DYNC1LI2: variants seen among roughly 807,000 people sequenced by gnomAD.
The protein encoded by DYNC1LI2 is cytoplasmic dynein 1 light intermediate chain 2.
In DYNC1LI2, 19 loss-of-function variants were observed where a neutral mutation model predicts 57.8. The ratio of observed to expected loss-of-function variants is 0.33; its 90% CI spans 0.23 to 0.48. The LOEUF is 0.48. DYNC1LI2 is among the 20% of genes least tolerant of loss of function. The pLI is 0.99. For synonymous variants in DYNC1LI2, 256 were observed against 233.4 expected (o/e 1.10, Z -0.88); for missense variants, 470 against 604.2 (o/e 0.78, Z 2.33).
In DYNC1LI2 at chr16:66,749,577, G is replaced by A. The variant is rs192630345; in HGVS notation, c.182-264C>T. ...ACTTCAAAAGGGAAATAATGAGGCA[G>A]GTCCACAGGCCCTATCTATAATTTA... On this transcript the variant is annotated intron_variant, in intron 2 of 12. Transcript: ENST00000258198. Among the ~76,000 whole-genome samples, 23 of 152,206 alleles carry A rather than the reference G, an allele frequency of 1.5e-4. No homozygotes were observed. The East Asian group carries it at 4.4e-3, about 29-fold the overall frequency.
At chr16:66,729,531 C>G (rs2017596211) in intron 8 of DYNC1LI2, among the ~76,000 whole-genome samples, 1 of 151,998 alleles carries the variant, frequency 6.6e-6, no homozygotes, top group African/African-American at 2.4e-5. Flanking sequence ...CCCCACTACC[C>G]CCCACAAACT....
At chr16:66,750,461 C>T (rs979318064) in intron 2 of DYNC1LI2, among the ~76,000 whole-genome samples, 3 of 152,198 alleles carry the variant, frequency 2.0e-5, no homozygotes, top group Non-Finnish European at 4.4e-5. Flanking sequence ...CTAGCAGTTT[C>T]CAAACCCCAC....
intron 4 of DYNC1LI2, among the ~76,000 whole-genome samples, chr16:66,740,110 A>C (rs548020527): frequency 3.3e-5 from 5 of 152,336 alleles, no homozygotes; most frequent in African/African-American, 1.2e-4. Flanking sequence ...GAAAGAGAAG[A>C]CTAAAGTACA....
intron 12 of DYNC1LI2, among the ~76,000 whole-genome samples, chr16:66,725,587 A>G (rs978468931): frequency 5.3e-5 from 8 of 152,208 alleles, no homozygotes; most frequent in African/African-American, 1.7e-4. Flanking sequence ...CAACTCACCC[A>G]ACACCCAGTT....
rs1287645630 is a variant in DYNC1LI2 at position 66,736,204 on chromosome 16, A to G, written c.570T>C (p.Gly190=). 5 of 1,614,140 alleles carry G rather than the reference A, an allele frequency of 3.1e-6. No individual in the cohort carries two copies. The highest frequency in any genetic ancestry group is 2.2e-5 in the East Asian group (1 of 44,886). The change falls in exon 5 of 13, where the codon GGT becomes GGC. Residue 190 remains glycine, a synonymous_variant. Coordinates refer to ENST00000258198, the MANE Select transcript of DYNC1LI2 (RefSeq NM_006141.3). ...CTCTTCTCTGTGGGGAACCTTGACA[A>G]CCTTCTTCAGGTTCCATATAGTCTT... The part of the protein sequence containing the change: ...DFQDYMEPEE[G]CQGSPQRRGP...
chr16:66,750,743 G>A (rs867104764), intron 2 of DYNC1LI2, among the ~76,000 whole-genome samples: 1 of 152,164 alleles, frequency 6.6e-6, no homozygotes, highest in Admixed American at 6.5e-5. Context: ...CACTTGAGGA[G>A]AGTGAGGCCA....
At chr16:66,726,642 TTTTG>T (rs1195223338) in intron 11 of DYNC1LI2, among the ~76,000 whole-genome samples, 6 of 152,036 alleles carry the variant, frequency 3.9e-5, no homozygotes, top group Admixed American at 2.6e-4. Context: ...TAAAAAATAT[TTTTG>T]TTTGTGTTTT....
intron 6 of DYNC1LI2, chr16:66,732,874 C>T (rs1445687645): frequency 6.5e-6 from 1 of 154,856 alleles, no homozygotes; most frequent in Non-Finnish European, 1.4e-5. Context: ...AGATTCCTTC[C>T]CAGACAGATG....
intron 8 of DYNC1LI2, among the ~76,000 whole-genome samples, 179 bp from the exon 9 acceptor site, chr16:66,729,278 A>G (rs763474398): frequency 6.6e-6 from 1 of 152,204 alleles, no homozygotes; most frequent in Non-Finnish European, 1.5e-5. Flanking sequence ...AACCAGCCGC[A>G]GCATGTAGCC....
At chr16:66,750,574 C>T (rs2018025509) in intron 2 of DYNC1LI2, among the ~76,000 whole-genome samples, 1 of 152,206 alleles carries the variant, frequency 6.6e-6, no homozygotes, top group South Asian at 2.1e-4. Context: ...AATGCTTCCA[C>T]AATAATCGGC....
chr16:66,751,587 G>C lies in DYNC1LI2; in HGVS notation c.5C>G (p.Ala2Gly). 6.4e-7 allele frequency: 1 copy of C among 1,574,280 alleles called. No individual in the cohort carries two copies. Among genetic ancestry groups the C allele is most frequent in the South Asian group, 1.1e-5 (1 of 87,810 alleles). The change falls in exon 1 of 13, where the codon GCG becomes GGG. Residue 2 changes from alanine (A) to glycine (G), a missense_variant. Coordinates refer to ENST00000258198, the MANE Select transcript of DYNC1LI2 (RefSeq NM_006141.3). This position sits in a 1 kb window ranked among gnomAD's most constrained non-coding sequence, Gnocchi z 5.2. ...CAGCTTCTTCTCCACCCCCACCGGCGCCATCTTGCCAACTGCAGCCACAAA... is the reference window on the plus strand; with the variant it reads ...CAGCTTCTTCTCCACCCCCACCGGCCCCATCTTGCCAACTGCAGCCACAAA... The part of the protein sequence containing the change: M[A>G]PVGVEKKLLL...
rs974512713 is a variant in DYNC1LI2, at chr16:66,727,732, G to C, written c.1217C>G (p.Ser406Cys). The change falls in exon 11 of 13, where the codon TCC becomes TGC. Residue 406 changes from serine (S) to cysteine (C), a missense_variant. Physicochemically the swap from Ser to Cys is moderately radical, Grantham distance 112. Transcript: ENST00000258198. ...GRGGPASVPS[S>C]SPGTSVKKPD... ...CTTTTTTACTGACGTGCCTGGGGAG[G>C]AGCTAGGCACACTGGCTGGCCCTCC... The C allele has an allele frequency of 1.9e-6, 3 of 1,614,074 alleles. No individual in the cohort carries two copies. Among genetic ancestry groups the C allele is most frequent in the Non-Finnish European group, 2.5e-6 (3 of 1,180,002 alleles).
intron 6 of DYNC1LI2, chr16:66,733,921 G>A (rs1168788638): frequency 1.2e-5 from 4 of 324,444 alleles, no homozygotes; most frequent in African/African-American, 2.2e-5. Context: ...CAGCACTTTC[G>A]GAGGCTGAGG....
At chr16:66,727,839 C>CA in intron 10 of DYNC1LI2, 34 bp from the exon 11 acceptor site, 1 of 1,554,320 alleles carries the variant, frequency 6.4e-7, no homozygotes, top group Non-Finnish European at 8.8e-7. Context: ...CACACACAGG[C>CA]ATAACAATAA....
At chr16:66,725,178 C>CAAAAAA (rs34062942) in intron 12 of DYNC1LI2, among the ~76,000 whole-genome samples, 1 of 123,204 alleles carries the variant, frequency 8.1e-6, no homozygotes, top group Non-Finnish European at 1.7e-5. Flanking sequence ...CCATCTCTAT[C>CAAAAAA]AAAAAAAAAA....
chr16:66,745,481 T>C (rs1419017340), intron 3 of DYNC1LI2, among the ~76,000 whole-genome samples: 1 of 150,780 alleles, frequency 6.6e-6, no homozygotes, highest in African/African-American at 2.4e-5. Flanking sequence ...TTTCACCACG[T>C]TGTCCAGGCT....
chr16:66,749,403 G>T (rs1437116530), intron 2 of DYNC1LI2, 90 bp from the exon 3 acceptor site: 2 of 1,261,318 alleles, frequency 1.6e-6, no homozygotes, highest in Non-Finnish European at 2.3e-6. Context: ...GAGAAACTAA[G>T]AATTTCATGC....
chr16:66,740,341 A>G (rs1006380578), intron 4 of DYNC1LI2, among the ~76,000 whole-genome samples: 5 of 152,192 alleles, frequency 3.3e-5, no homozygotes, highest in Admixed American at 3.3e-4. Flanking sequence ...TATAACATCT[A>G]GAGTCCAATT....
chr16:66,743,615 A>G (rs1355932085), intron 3 of DYNC1LI2, among the ~76,000 whole-genome samples: 1 of 152,114 alleles, frequency 6.6e-6, no homozygotes, highest in Non-Finnish European at 1.5e-5. Context: ...AATAAAAACC[A>G]AAAGATACTA....
Sources: gnomAD v4.1 joint callset for allele counts (sites outside exome capture counted in the v4.1 genomes callset) on GRCh38, gnomAD v4.1.1 for gene constraint, Gnocchi (gnomAD v3.1) non-coding constraint, MANE v1.5 for transcripts, NCBI Gene and HGNC (gene_info 2026-07-23, HGNC 2026-07-21) for gene names.